PAG1: variants seen among roughly 807,000 people sequenced by gnomAD.
PAG1 encodes phosphoprotein membrane anchor with glycosphingolipid microdomains 1, also known as phosphoprotein associated with glycosphingolipid-enriched microdomains 1.
In PAG1, 23 loss-of-function variants were observed where a neutral mutation model predicts 31.7. The observed-to-expected ratio is 0.73, with a 90% CI of 0.52 to 1.03. The LOEUF (loss-of-function observed/expected upper bound fraction) is 1.03, where lower values mean the gene tolerates loss of function less well. Ranked by LOEUF, PAG1 falls within the 50% of genes least tolerant of loss-of-function variation. The pLI is 0.00. For synonymous variants in PAG1, 214 were observed against 210.3 expected, an observed-to-expected ratio of 1.02 and a Z score of -0.15; for missense variants, 473 against 540.7, an observed-to-expected ratio of 0.87 and a Z score of 1.24.
chr8:81,028,240 C>T (rs1808319054), intron 3 of PAG1, among the ~76,000 whole-genome samples: 1 of 152,244 alleles, frequency 6.6e-6, no homozygotes, highest in South Asian at 2.1e-4. Context: ...TTGCATGCTG[C>T]TTTGAGCCTT....
At chr8:81,086,509 G>A (rs1056347773) in intron 1 of PAG1, among the ~76,000 whole-genome samples, 30 of 151,894 alleles carry the variant, frequency 2.0e-4, no homozygotes, top group Admixed American at 1.2e-3. Context: ...GTGTGTGCGC[G>A]CGCGTGTGTG....
In PAG1 at chr8:80,980,428, AACTT is replaced by A; in HGVS notation, c.936+3_936+6del. The stretch of plus-strand genomic sequence containing the variant: ...GTTTTCCCTTTTTAAAAAGAAACAA[AACTT>A]ACCTCTTCTTCTGTGAGAGTGGGGT... On this transcript the variant is annotated splice_donor_5th_base_variant and intron_variant, in intron 8 of 8. Coordinates refer to ENST00000220597, the MANE Select transcript of PAG1 (RefSeq NM_018440.4). 1 of 1,557,428 alleles carries A rather than the reference AACTT, an allele frequency of 6.4e-7. No individual in the cohort carries two copies. The highest frequency in any genetic ancestry group is 8.9e-7 in the Non-Finnish European group (1 of 1,128,992).
Position 80,976,627 on chromosome 8 carries a change from C to A in PAG1, c.1216G>T (p.Gly406Cys). 6.2e-7 allele frequency: 1 copy of A among 1,614,128 alleles called. No individual in the cohort carries two copies. The change falls in exon 9 of 9, where the codon GGC becomes TGC. Residue 406 changes from glycine (G) to cysteine (C), a missense_variant. Coordinates refer to ENST00000220597, the MANE Select transcript of PAG1 (RefSeq NM_018440.4). ...EEEKATLGTN[G>C]HHGLVPKEND... ...TCCTTTGGGACGAGACCGTGGTGGC[C>A]ATTGGTCCCCAGGGTGGCCTTTTCT...
chr8:81,063,596 C>T (rs1808953513), intron 2 of PAG1, among the ~76,000 whole-genome samples: 1 of 152,212 alleles, frequency 6.6e-6, no homozygotes, highest in East Asian at 1.9e-4. Context: ...TTCAAAATCA[C>T]CTTATGTTAG....
rs1344954065 is a variant in PAG1, at chr8:80,980,430, C to G, written c.936+5G>C. The G allele has an allele frequency of 6.4e-7, 1 of 1,562,432 alleles. No homozygotes were observed. Among genetic ancestry groups the G allele is most frequent in the Non-Finnish European group, 8.8e-7 (1 of 1,133,636 alleles). Reference sequence around the variant, plus strand: ...TTTCCCTTTTTAAAAAGAAACAAAACTTACCTCTTCTTCTGTGAGAGTGGG... The same window carrying G: ...TTTCCCTTTTTAAAAAGAAACAAAAGTTACCTCTTCTTCTGTGAGAGTGGG... On this transcript the variant is annotated splice_donor_5th_base_variant and intron_variant, in intron 8 of 8. Transcript: ENST00000220597.
At chr8:81,002,574 A>G (rs1193085645) in intron 3 of PAG1, among the ~76,000 whole-genome samples, 1 of 152,238 alleles carries the variant, frequency 6.6e-6, no homozygotes, top group Non-Finnish European at 1.5e-5. Context: ...GTGCCAAATT[A>G]GAGAACGCGT....
At chr8:80,985,726 GGA>G (rs1357535779) in intron 6 of PAG1, among the ~76,000 whole-genome samples, 2 of 152,188 alleles carry the variant, frequency 1.3e-5, no homozygotes, top group Non-Finnish European at 1.5e-5. Context: ...ATGGGAGGCT[GGA>G]CACCAGAAAG....
chr8:81,033,145 C>G (rs1808402889), intron 2 of PAG1, among the ~76,000 whole-genome samples: 2 of 152,048 alleles, frequency 1.3e-5, no homozygotes, highest in African/African-American at 4.8e-5. Flanking sequence ...CTAAATAAAG[C>G]TCTTATGAAA....
chr8:81,073,512 C>A (rs776064099), intron 1 of PAG1, among the ~76,000 whole-genome samples: 81 of 152,174 alleles, frequency 5.3e-4, no homozygotes, highest in Non-Finnish European at 6.8e-4. Flanking sequence ...CTTCCTTAGC[C>A]TTGTCTATTC....
In PAG1 at chr8:80,975,383, G is replaced by A. The variant is rs1807158966; in HGVS notation, c.*1161C>T. ...TTTATGGTATCTTTTCAAAAGGAGA[G>A]TATAAATCATTGTACATAAAATCAA... On this transcript the variant is annotated 3_prime_UTR_variant, in exon 9 of 9. Coordinates refer to ENST00000220597, the MANE Select transcript of PAG1 (RefSeq NM_018440.4). The A allele has an allele frequency of 1.3e-5, 2 of 152,136 alleles. No homozygotes were observed. Among genetic ancestry groups the A allele is most frequent in the South Asian group, 4.1e-4 (2 of 4,830 alleles). 9.4% of individuals were successfully genotyped at this position (152,136 alleles called of 1,614,324 possible).
chr8:81,079,396 T>C (rs1030568843), intron 1 of PAG1, among the ~76,000 whole-genome samples: 4 of 152,190 alleles, frequency 2.6e-5, no homozygotes, highest in African/African-American at 4.8e-5. Context: ...TCAGACAATA[T>C]TGAATTACTT....
intron 1 of PAG1, among the ~76,000 whole-genome samples, chr8:81,074,721 G>A (rs928626051): frequency 6.6e-6 from 1 of 152,048 alleles, no homozygotes; most frequent in African/African-American, 2.4e-5. Flanking sequence ...CTAAATTTGG[G>A]GAAAAACAGC....
rs77733067 is a variant in PAG1 at position 81,014,552 on chromosome 8, A to G, written c.-81+15444T>C. Among the ~76,000 whole-genome samples, 547 of 152,300 alleles carry G rather than the reference A, an allele frequency of 3.6e-3. 9 individuals carry two copies. The highest frequency in any genetic ancestry group is 0.012 in the African/African-American group (516 of 41,554). Reference sequence around the variant, plus strand: ...GTCTTGAAAATGTTAATTAATTTATATTTGTTTTTCTTTTCTAATGACATA... The same window carrying G: ...GTCTTGAAAATGTTAATTAATTTATGTTTGTTTTTCTTTTCTAATGACATA... On this transcript the variant is annotated intron_variant, in intron 3 of 8. Coordinates refer to ENST00000220597, the MANE Select transcript of PAG1 (RefSeq NM_018440.4).
intron 2 of PAG1, among the ~76,000 whole-genome samples, chr8:81,042,447 C>CT (rs1388764659): frequency 9.2e-5 from 14 of 152,180 alleles, no homozygotes; most frequent in African/African-American, 2.4e-4. Context: ...CTTTAACACA[C>CT]TTTTTTTCTG....
At chr8:81,007,636 C>CAAA (rs58612249) in intron 3 of PAG1, among the ~76,000 whole-genome samples, 27,250 of 49,656 alleles carry the variant, frequency 0.55, 8,901 homozygotes, top group Non-Finnish European at 0.69. Flanking sequence ...GACTCTGTCT[C>CAAA]AAAAAAAAAA....
At chr8:80,982,733 T>C (rs1807334696) in intron 7 of PAG1, among the ~76,000 whole-genome samples, 1 of 152,152 alleles carries the variant, frequency 6.6e-6, no homozygotes, top group Non-Finnish European at 1.5e-5. Flanking sequence ...TCCTCTTCAT[T>C]TCAGTTAATG....
intron 2 of PAG1, among the ~76,000 whole-genome samples, chr8:81,064,391 G>A (rs1286117228): frequency 6.6e-6 from 1 of 152,170 alleles, no homozygotes; most frequent in East Asian, 1.9e-4. Context: ...TTCCTGCAAA[G>A]GCTGAAAACC....
At chr8:81,082,745 A>G (rs576047050) in intron 1 of PAG1, among the ~76,000 whole-genome samples, 45 of 152,070 alleles carry the variant, frequency 3.0e-4, no homozygotes, top group Non-Finnish European at 2.4e-4. Flanking sequence ...GATGCCCCCT[A>G]GGTTCTTCAT....
chr8:81,015,128 AT>A (rs983154368), intron 3 of PAG1, among the ~76,000 whole-genome samples: 17 of 152,336 alleles, frequency 1.1e-4, no homozygotes, highest in African/African-American at 4.1e-4. Flanking sequence ...GATTAGAGGT[AT>A]TTTAGCTGCC....
Sources: allele counts gnomAD v4.1 joint callset (sites outside exome capture counted in the v4.1 genomes callset), GRCh38; gene constraint gnomAD v4.1.1; transcripts MANE v1.5; gene names NCBI Gene and HGNC (gene_info 2026-07-23, HGNC 2026-07-21).